ADARB2: variants seen among roughly 807,000 people sequenced by gnomAD.
The protein encoded by ADARB2 is adenosine deaminase RNA specific B2 (inactive).
In ADARB2, 25 loss-of-function variants were observed where a neutral mutation model predicts 62.2. The observed-to-expected ratio is 0.40, with a 90% CI of 0.29 to 0.56. The LOEUF is 0.56. Ranked by LOEUF, ADARB2 falls within the 20% of genes least tolerant of loss-of-function variation. The pLI, the probability that ADARB2 is intolerant of heterozygous loss-of-function variation, is 0.43. For missense variants in ADARB2, 1,071 were observed against 1,077.4 expected, an observed-to-expected ratio of 0.99 and a Z score of 0.08; for synonymous variants, 572 against 500.8, an observed-to-expected ratio of 1.14 and a Z score of -1.90.
chr10:1,358,364 C>T (rs558119531), intron 3 of ADARB2, among the ~76,000 whole-genome samples: 28 of 152,244 alleles, frequency 1.8e-4, no homozygotes, highest in African/African-American at 5.1e-4. Context: ...GGTGAGAATG[C>T]GGAGCCAGGT....
intron 1 of ADARB2, chr10:1,556,839 A>G (rs1234738893): frequency 1.9e-6 from 1 of 534,152 alleles, no homozygotes; most frequent in African/African-American, 1.9e-5. Flanking sequence ...TCTGCTGCAG[A>G]TTTTCTGCAC....
intron 4 of ADARB2, among the ~76,000 whole-genome samples, chr10:1,267,164 C>G (rs1361258283): frequency 1.3e-5 from 2 of 151,408 alleles, no homozygotes; most frequent in Non-Finnish European, 1.5e-5. Context: ...CTTTCCCCCT[C>G]CCGGGTAGGT....
At chr10:1,399,145 C>G (rs1297176714) in intron 1 of ADARB2, among the ~76,000 whole-genome samples, 1 of 152,168 alleles carries the variant, frequency 6.6e-6, no homozygotes, top group Non-Finnish European at 1.5e-5. Context: ...AGGAAACACC[C>G]TGACTCCCCC....
At chr10:1,685,419 T>C (rs1834586317) in intron 1 of ADARB2, among the ~76,000 whole-genome samples, 1 of 152,206 alleles carries the variant, frequency 6.6e-6, no homozygotes, top group Non-Finnish European at 1.5e-5. Context: ...CTTCTTCTCT[T>C]TCCTGTGCCT....
rs117473807 is a variant in ADARB2, at chr10:1,584,411, G to T, written c.100+152640C>A. Among the ~76,000 whole-genome samples the T allele has an allele frequency of 2.8e-4, 42 of 152,242 alleles. No individual in the cohort carries two copies. The East Asian group carries it at 4.0e-3, about 15-fold the overall frequency. The stretch of plus-strand genomic sequence containing the variant: ...ATGAGATGCCACTACACCCCTAATA[G>T]CATGGCCAAAATCCAGAACATGGAC... On this transcript the variant is annotated intron_variant, in intron 1 of 9. Coordinates refer to ENST00000381312, the MANE Select transcript of ADARB2 (RefSeq NM_018702.4).
intron 1 of ADARB2, among the ~76,000 whole-genome samples, chr10:1,499,274 C>A (rs1214628940): frequency 6.6e-6 from 1 of 151,746 alleles, no homozygotes; most frequent in Admixed American, 6.6e-5. Context: ...TGCTCACTCA[C>A]ACTCACTTAT....
intron 1 of ADARB2, among the ~76,000 whole-genome samples, chr10:1,519,358 C>A (rs1193722944): frequency 6.6e-6 from 1 of 152,180 alleles, no homozygotes; most frequent in African/African-American, 2.4e-5. Flanking sequence ...TGTGGTCATA[C>A]ACATGCATTC....
At chr10:1,588,014 G>T (rs560506332) in intron 1 of ADARB2, among the ~76,000 whole-genome samples, 1 of 152,110 alleles carries the variant, frequency 6.6e-6, no homozygotes, top group African/African-American at 2.4e-5. Context: ...TCTCGGTTGC[G>T]TCTTTATCAA....
At chr10:1,375,213 G>A (rs1832411740) in intron 2 of ADARB2, among the ~76,000 whole-genome samples, 1 of 152,244 alleles carries the variant, frequency 6.6e-6, no homozygotes, top group African/African-American at 2.4e-5. Context: ...GCAGAACTGG[G>A]TCGGATCCCA....
chr10:1,556,753 G>T (rs1317598808), intron 1 of ADARB2: 1 of 534,324 alleles, frequency 1.9e-6, no homozygotes, highest in African/African-American at 1.9e-5. Context: ...GAGCCAGCCG[G>T]CCCCCAGGAA....
In ADARB2 at chr10:1,392,893, C is replaced by A. The variant is rs114798290; in HGVS notation, c.101-13733G>T. Among the ~76,000 whole-genome samples the A allele has an allele frequency of 7.2e-3, 1,095 of 152,278 alleles. 18 individuals carry two copies. The highest frequency in any genetic ancestry group is 0.025 in the African/African-American group (1,019 of 41,548). ...GAATTCATGCTGAAGTCTAACCCCC[C>A]AGTCCCTCAGAATGTGACCGTATTT... is the stretch of plus-strand genomic sequence containing the variant. On this transcript the variant is annotated intron_variant, in intron 1 of 9. Transcript: ENST00000381312.
At chr10:1,434,998 G>A (rs576371117) in intron 1 of ADARB2, among the ~76,000 whole-genome samples, 2 of 152,338 alleles carry the variant, frequency 1.3e-5, no homozygotes, top group East Asian at 1.9e-4. Context: ...TTTGGTCCGG[G>A]AACAAGGGCA....
chr10:1,433,239 T>C (rs1830795249), intron 1 of ADARB2, among the ~76,000 whole-genome samples: 1 of 152,150 alleles, frequency 6.6e-6, no homozygotes, highest in African/African-American at 2.4e-5. Flanking sequence ...TTGTGGCAGC[T>C]GGTGTGAAAT....
rs533412915 is a variant in ADARB2, at chr10:1,424,443, G to A, written c.101-45283C>T. 5.3e-5 allele frequency among the ~76,000 whole-genome samples: 8 copies of A among 152,268 alleles called. No homozygotes were observed. The East Asian group carries it at 5.8e-4, about 11-fold the overall frequency. On this transcript the variant is annotated intron_variant, in intron 1 of 9. Transcript: ENST00000381312. ...TGGCATGCTCTGAGGCCTCTTCCTC[G>A]TGTTTAATGACTCGTGGCAAAGTGT...
intron 3 of ADARB2, among the ~76,000 whole-genome samples, chr10:1,324,024 G>C (rs1304188866): frequency 6.6e-6 from 1 of 152,188 alleles, no homozygotes; most frequent in Non-Finnish European, 1.5e-5. Flanking sequence ...CTAGTGTCTA[G>C]ACTACACAAA....
Position 1,327,521 on chromosome 10 carries a change from G to T in ADARB2, c.1077+35507C>A, listed in dbSNP as rs1233826188. Among the ~76,000 whole-genome samples, 34 of 21,294 alleles carry T rather than the reference G, an allele frequency of 1.6e-3. 1 individual carries two copies. The highest frequency in any genetic ancestry group is 3.6e-3 in the Admixed American group (6 of 1,682). 14.0% of individuals were successfully genotyped at this position (21,294 alleles called of 152,430 possible). On this transcript the variant is annotated intron_variant, in intron 3 of 9. Transcript: ENST00000381312. ...TCCTCACTGCCCAGCGCCTCCCCAT[G>T]GCACAGCGCCTCCTCACTGCCCAGC...
intron 1 of ADARB2, among the ~76,000 whole-genome samples, chr10:1,428,756 C>A (rs1830744612): frequency 6.6e-6 from 1 of 151,992 alleles, no homozygotes; most frequent in Non-Finnish European, 1.5e-5. Context: ...CTGTGTTCTT[C>A]ACAGTGATGG....
At chr10:1,668,572 G>T (rs1588345456) in intron 1 of ADARB2, among the ~76,000 whole-genome samples, 2 of 152,242 alleles carry the variant, frequency 1.3e-5, no homozygotes, top group South Asian at 4.1e-4. Context: ...CAGGAAAAGT[G>T]GTGTGAATCA....
At chr10:1,303,041 T>G (rs1304579271) in intron 3 of ADARB2, among the ~76,000 whole-genome samples, 1 of 151,010 alleles carries the variant, frequency 6.6e-6, no homozygotes, top group South Asian at 2.1e-4. Flanking sequence ...TGACTTTGAC[T>G]AGCTGAGAGA....
Sources: gnomAD v4.1 joint callset for allele counts (sites outside exome capture counted in the v4.1 genomes callset) on GRCh38, gnomAD v4.1.1 for gene constraint, MANE v1.5 for transcripts, NCBI Gene and HGNC (gene_info 2026-07-23, HGNC 2026-07-21) for gene names.